The following LARGE2 variants were observed in gnomAD, a reference collection of about 807,000 sequenced individuals.
LARGE2 encodes the protein xylosyl- and glucuronyltransferase LARGE2.
Under a neutral mutation model 75.3 loss-of-function variants are expected in LARGE2, and 63 were observed. The ratio of observed to expected loss-of-function variants is 0.84; its 90% confidence interval spans 0.68 to 1.03. LARGE2 has a LOEUF of 1.03. Among genes scored for constraint, LARGE2 ranks in the 50% least tolerant of loss-of-function variants. LARGE2 has a pLI of 0.00. For missense variants in LARGE2, 925 were observed against 980.6 expected, an observed-to-expected ratio of 0.94 and a Z score of 0.76; for synonymous variants, 428 against 420.1, an observed-to-expected ratio of 1.02 and a Z score of -0.23.
chr11:45,922,669 T>G lies in LARGE2; in HGVS notation c.-122T>G. The G allele has an allele frequency of 2.9e-6, 1 of 347,448 alleles. No homozygotes were observed. The highest frequency in any genetic ancestry group is 5.1e-6 in the Non-Finnish European group (1 of 195,352). 21.5% of individuals were successfully genotyped at this position (347,448 alleles called of 1,614,324 possible). ...GGACCGGCCCGCGCCTCTCCCCTGG[T>G]TCCCGCACCCTGGCCGGCGGCTGCG... On this transcript the variant is annotated 5_prime_UTR_variant, in exon 1 of 14. Transcript: ENST00000401752.
intron 3 of LARGE2, 114 bp from the exon 4 acceptor site, chr11:45,924,040 G>C (rs949757196): frequency 2.9e-5 from 25 of 852,392 alleles, no homozygotes; most frequent in Middle Eastern, 6.0e-4. Context: ...CCTGAGCCGG[G>C]CGTGGAAAAG....
rs759386712 is a variant in LARGE2, at chr11:45,926,547, C to T, written c.1114C>T (p.Arg372Trp). The T allele has an allele frequency of 5.6e-6, 9 of 1,613,958 alleles. No homozygotes were observed. The highest frequency in any genetic ancestry group is 1.1e-5 in the South Asian group (1 of 91,090). ...TFLEYDGNLL[R>W]RELFVCPSQP... ...CCTGGAGTACGATGGGAACCTGCTGCGGAGAGAGCTCTTTGTGTGCCCCAG... is the reference window on the plus strand; with the variant it reads ...CCTGGAGTACGATGGGAACCTGCTGTGGAGAGAGCTCTTTGTGTGCCCCAG... Residue 372 changes from arginine (R) to tryptophan (W), a missense_variant, in exon 9 of 14, where the codon CGG becomes TGG. Physicochemically the swap from Arg to Trp is moderately radical, Grantham distance 101 (BLOSUM62 -3). This residue lies in a region of LARGE2 where 469 missense variants were observed against 503.8 expected (regional missense o/e 0.93). Transcript: ENST00000401752.
chr11:45,924,461 T>TA lies in LARGE2; in HGVS notation c.493-44dup, dbSNP rs759324442. 20 of 1,597,462 alleles carry TA rather than the reference T, an allele frequency of 1.3e-5. No individual in the cohort carries two copies. In the Admixed American group the frequency reaches 3.4e-4, roughly 27 times the overall value. ...CTGCAAGCATGTGTTCTGGTGCTCATAGGCCCCTCTCTGCCATCTCATCTC... is the reference window on the plus strand; with the variant it reads ...CTGCAAGCATGTGTTCTGGTGCTCATAAGGCCCCTCTCTGCCATCTCATCTC... On this transcript the variant is annotated intron_variant, in intron 4 of 13. Coordinates refer to ENST00000401752, the MANE Select transcript of LARGE2 (RefSeq NM_001300721.2).
chr11:45,927,592 A>C lies in LARGE2; in HGVS notation c.1603A>C (p.Arg535=). 2 of 1,612,658 alleles carry C rather than the reference A, an allele frequency of 1.2e-6. No homozygotes were observed. Among genetic ancestry groups the C allele is most frequent in the Non-Finnish European group, 1.7e-6 (2 of 1,179,614 alleles). ...TGCCTATTCTCTCTACGACTACCTC[A>C]GGTGGGCCTGCAGGCAGAGAGGGGA... ...LPAYSLYDYL[R]ASIEQLGLGS... is the part of the protein sequence containing the mutation. Residue 535 remains arginine, a splice_region_variant and synonymous_variant, in exon 11 of 14, where the codon AGG becomes CGG. Coordinates refer to ENST00000401752, the MANE Select transcript of LARGE2 (RefSeq NM_001300721.2).
At position 45,926,148 on chromosome 11, in the gene LARGE2, C is replaced by A. The variant is rs1158925155; in HGVS notation, c.879C>A (p.Asp293Glu). ...GCCTGCCTGCCACCTCACTGGCTGA[C>A]CAGGTCTGAGGAAGCCTTGCCGGGT... ...LLSLPATSLA[D>E]QDIFNAVIKE... Residue 293 changes from aspartate (D) to glutamate (E), a missense_variant, in exon 7 of 14, where the codon GAC becomes GAA. Asp to Glu is a conservative substitution (Grantham distance 45, BLOSUM62 2). Around this residue, in one of 3 missense-constraint regions of LARGE2, gnomAD observed 453 missense variants for 460.2 expected, o/e 0.98. Transcript: ENST00000401752. The A allele has an allele frequency of 6.3e-7, 1 of 1,591,576 alleles. No individual in the cohort carries two copies. The highest frequency in any genetic ancestry group is 2.3e-5 in the East Asian group (1 of 43,460).
intron 9 of LARGE2, 26 bp from the exon 10 acceptor site, chr11:45,926,685 G>C (rs1353027905): frequency 6.2e-7 from 1 of 1,611,788 alleles, no homozygotes; most frequent in Non-Finnish European, 8.5e-7. Flanking sequence ...CCTATCCCCG[G>C]TCCTTGTCAC....
At position 45,928,614 on chromosome 11, in the gene LARGE2, C is replaced by T. The variant is rs769477015; in HGVS notation, c.1951-16C>T. On this transcript the variant is annotated splice_polypyrimidine_tract_variant and intron_variant, in intron 13 of 13. Transcript: ENST00000401752. ...GGCAAGCCAGGCAGCCACTGCTCCT[C>T]TGCCCCACCCTGCAGGAATATGAGC... The T allele has an allele frequency of 6.2e-7, 1 of 1,608,114 alleles. No individual in the cohort carries two copies. Among genetic ancestry groups the T allele is most frequent in the East Asian group, 2.2e-5 (1 of 44,772 alleles).
In LARGE2 at chr11:45,922,811, C is replaced by T. The variant is rs992691024; in HGVS notation, c.-62-10C>T. 3 of 1,164,076 alleles carry T rather than the reference C, an allele frequency of 2.6e-6. No individual in the cohort carries two copies. Among genetic ancestry groups the T allele is most frequent in the Non-Finnish European group, 3.2e-6 (3 of 928,242 alleles). The allele number at this position is 1,164,076 out of a possible 1,614,324, so 72.1% of individuals were successfully genotyped here. A position where few individuals can be genotyped will look rare whatever the true frequency, so the allele number is the denominator to read the frequency against. On this transcript the variant is annotated splice_polypyrimidine_tract_variant and intron_variant, in intron 1 of 13. Transcript: ENST00000401752. ...GGGCTGAGTCTCCCATCTCGCCCCT[C>T]GGTCCGCAGGGCCTGCGATGGAGCC...
intron 11 of LARGE2, 25 bp downstream of exon 11, chr11:45,927,618 A>G: frequency 6.2e-7 from 1 of 1,608,830 alleles, no homozygotes; most frequent in African/African-American, 1.3e-5. Context: ...AGAGAGGGGA[A>G]CAATATATGG....
In LARGE2 at chr11:45,927,480, C is replaced by T; in HGVS notation, c.1491C>T (p.Pro497=). The T allele has an allele frequency of 6.2e-7, 1 of 1,614,240 alleles. No homozygotes were observed. The highest frequency in any genetic ancestry group is 8.5e-7 in the Non-Finnish European group (1 of 1,180,034). The change falls in exon 11 of 14, where the codon CCC becomes CCT. Residue 497 remains proline (P), a synonymous_variant. Transcript: ENST00000401752. ...ACCATGTGGTGTACCGTGAGGGGCC[C>T]CTATACCCCGTCAACCAGCTTCGCA... ...VAYHVVYREG[P]LYPVNQLRNV...
intron 2 of LARGE2, 139 bp from the exon 3 acceptor site, chr11:45,923,334 A>G (rs1055276703): frequency 3.7e-6 from 4 of 1,077,252 alleles, no homozygotes; most frequent in Admixed American, 2.5e-5. Flanking sequence ...TCATTTCCCC[A>G]TTTGAAATGA....
upstream of LARGE2, chr11:45,922,653 C>G (rs999395891): frequency 2.9e-5 from 10 of 339,714 alleles, no homozygotes; most frequent in South Asian, 1.5e-4. Context: ...GGGACCGGCC[C>G]GCGCCTCTCC....
At chr11:45,924,339 C>A in intron 4 of LARGE2, 62 bp downstream of exon 4, 6 of 1,594,660 alleles carry the variant, frequency 3.8e-6, no homozygotes, top group Non-Finnish European at 5.1e-6. Flanking sequence ...CTCTCCAAGA[C>A]CTGGTGGGGT....
Position 45,928,532 on chromosome 11 carries a change from C to T in LARGE2, c.1951-98C>T, listed in dbSNP as rs889340718. On this transcript the variant is annotated intron_variant, in intron 13 of 13. Coordinates refer to ENST00000401752, the MANE Select transcript of LARGE2 (RefSeq NM_001300721.2). Reference sequence around the variant, plus strand: ...ATCTGCCCTTTGGCCCTTGCTTTAGCTCTCAGGGGCTACAGGGTAAGCCTG... The same window carrying T: ...ATCTGCCCTTTGGCCCTTGCTTTAGTTCTCAGGGGCTACAGGGTAAGCCTG... 3 of 1,543,324 alleles carry T rather than the reference C, an allele frequency of 1.9e-6. No individual in the cohort carries two copies. In the South Asian group the frequency reaches 3.7e-5, roughly 19 times the overall value.
intron 10 of LARGE2, 140 bp from the exon 11 acceptor site, chr11:45,927,175 C>A: frequency 1.0e-6 from 1 of 969,604 alleles, no homozygotes; most frequent in Non-Finnish European, 1.5e-6. Flanking sequence ...TTCAATCAGA[C>A]TGGCTCTAAA....
intron 2 of LARGE2, 71 bp from the exon 3 acceptor site, chr11:45,923,402 G>T (rs988811573): frequency 6.8e-7 from 1 of 1,459,864 alleles, no homozygotes; most frequent in Non-Finnish European, 9.5e-7. Context: ...GCGGGGTGGG[G>T]CAGCTCAACA....
At position 45,928,669 on chromosome 11, in the gene LARGE2, C is replaced by T. The variant is rs754436533; in HGVS notation, c.1990C>T (p.His664Tyr). ...LLVLPEAFTI[H>Y]LPHAPSLDIS... is the part of the protein sequence containing the mutation. Reference sequence around the variant, plus strand: ...GGTGCTGCCCGAGGCCTTCACCATCCATCTGCCCCACGCTCCAAGCCTGGA... The same window carrying T: ...GGTGCTGCCCGAGGCCTTCACCATCTATCTGCCCCACGCTCCAAGCCTGGA... The change falls in exon 14 of 14, where the codon CAT becomes TAT. Residue 664 changes from histidine to tyrosine, a missense_variant. Physicochemically the swap from His to Tyr is moderately conservative, Grantham distance 83. This residue lies in a region of LARGE2 where 469 missense variants were observed against 503.8 expected (regional missense o/e 0.93). Transcript: ENST00000401752. 13 of 1,614,062 alleles carry T rather than the reference C, an allele frequency of 8.1e-6. No homozygotes were observed. Among genetic ancestry groups the T allele is most frequent in the Non-Finnish European group, 5.9e-6 (7 of 1,180,048 alleles).
intron 3 of LARGE2, among the ~76,000 whole-genome samples, chr11:45,923,941 C>G (rs1374063007): frequency 1.5e-5 from 2 of 133,768 alleles, no homozygotes; most frequent in African/African-American, 5.6e-5. Context: ...AGCCGAGATC[C>G]CGCCACTGCA....
rs2087045045 is a variant in LARGE2, at chr11:45,924,136, T to C, written c.369-18T>C. On this transcript the variant is annotated intron_variant, in intron 3 of 13. Coordinates refer to ENST00000401752, the MANE Select transcript of LARGE2 (RefSeq NM_001300721.2). ...TCCTGCTGGGGCCTCTCAGGCTTCC[T>C]CTTTGCCCACCCAAAAGGAAAAATC... The C allele has an allele frequency of 8.7e-6, 14 of 1,606,816 alleles. No homozygotes were observed. The highest frequency in any genetic ancestry group is 1.1e-5 in the Non-Finnish European group (13 of 1,179,750).
Sources: allele counts gnomAD v4.1 joint callset (sites outside exome capture counted in the v4.1 genomes callset), GRCh38; gene constraint gnomAD v4.1.1; regional missense constraint gnomAD v4.1.1; transcripts MANE v1.5; gene names NCBI Gene and HGNC (gene_info 2026-07-23, HGNC 2026-07-21).